The following ZNF729 variants were observed in gnomAD, a reference collection of about 807,000 sequenced individuals.
The protein encoded by ZNF729 is zinc finger protein 729.
In ZNF729, 15 loss-of-function variants were observed where a neutral mutation model predicts 12.2. The ratio of observed to expected loss-of-function variants is 1.23; its 90% CI spans 0.82 to 1.89. The LOEUF is 1.89. Among genes scored for constraint, ZNF729 ranks in the 40% most tolerant of loss-of-function variants. The probability of loss-of-function intolerance (pLI) is 0.00; values close to 1 mark genes in which losing one functional copy is unlikely to be tolerated. For missense variants in ZNF729, 1,540 were observed against 1,456.7 expected, an observed-to-expected ratio of 1.06 and a Z score of -0.93; for synonymous variants, 492 against 476.3, an observed-to-expected ratio of 1.03 and a Z score of -0.43.
Position 22,314,093 on chromosome 19 carries a change from CAT to C in ZNF729, c.678_679del (p.His226GlnfsTer6), listed in dbSNP as rs1316178879. On this transcript the variant is annotated frameshift_variant, in exon 4 of 4. Transcript: ENST00000601693. LOFTEE classifies it low-confidence loss of function (END_TRUNC). ...TAAATCGTTCTCAACCCTTACTAAA[CAT>C]AAGATAATTCATACTGAAGACAAAC... is the stretch of plus-strand genomic sequence containing the variant. Reference protein sequence around the residue: ...AFKSFSTLTKHKIIHTEDKPY... With the variant: ...AFKSFSTLTKXKIIHTEDKPY... The C allele has an allele frequency of 6.5e-7, 1 of 1,546,904 alleles. No individual in the cohort carries two copies. The highest frequency in any genetic ancestry group is 8.7e-7 in the Non-Finnish European group (1 of 1,147,176).
rs745376919 is a variant in ZNF729, at chr19:22,316,488, A to C, written c.3071A>C (p.Glu1024Ala). ...HTREKLYKCE[E>A]CVKAFNNFSA... Reference sequence around the variant, plus strand: ...AGGGAGAAATTGTACAAATGTGAAGAATGTGTCAAAGCTTTTAACAATTTC... The same window carrying C: ...AGGGAGAAATTGTACAAATGTGAAGCATGTGTCAAAGCTTTTAACAATTTC... The change falls in exon 4 of 4, where the codon GAA becomes GCA. Residue 1024 changes from glutamate to alanine, a missense_variant. Coordinates refer to ENST00000601693, the MANE Select transcript of ZNF729 (RefSeq NM_001242680.2). 4.3e-6 allele frequency: 7 copies of C among 1,613,752 alleles called. No homozygotes were observed. Among genetic ancestry groups the C allele is most frequent in the Non-Finnish European group, 5.9e-6 (7 of 1,179,782 alleles).
chr19:22,293,518 G>GTTT (rs1256692990), intron 1 of ZNF729, among the ~76,000 whole-genome samples: 1 of 28,474 alleles, frequency 3.5e-5, no homozygotes, highest in African/African-American at 1.4e-4. Flanking sequence ...TTTTGAGACA[G>GTTT]TTTCGCTCTT....
chr19:22,308,229 T>C (rs1361124251), intron 3 of ZNF729, among the ~76,000 whole-genome samples: 2 of 152,218 alleles, frequency 1.3e-5, no homozygotes, highest in Admixed American at 6.5e-5. Context: ...TGTTCCATCA[T>C]ATATATAATC....
Position 22,314,805 on chromosome 19 carries a change from A to C in ZNF729, c.1388A>C (p.Glu463Ala). The C allele has an allele frequency of 2.5e-6, 4 of 1,613,870 alleles. No individual in the cohort carries two copies. Among genetic ancestry groups the C allele is most frequent in the Non-Finnish European group, 3.4e-6 (4 of 1,179,898 alleles). The change falls in exon 4 of 4, where the codon GAA (glutamate) becomes GCA (alanine). Residue 463 changes from glutamate to alanine, a missense_variant. Physicochemically the swap from Glu to Ala is moderately radical, Grantham distance 107 (BLOSUM62 -1). Transcript: ENST00000601693. The part of the protein sequence containing the change: ...IHTGEKPYKC[E>A]ECGKAFRQSS... ...ACTGGGGAGAAACCATACAAATGTG[A>C]AGAATGTGGCAAAGCTTTTAGGCAA...
chr19:22,310,893 A>G lies in ZNF729; in HGVS notation c.254-2778A>G, dbSNP rs112975904. ...TGCTTGTTATTGGTCTGTTCAGGGTATCTAATTCTTCCTGATTTAAGCTGG... is the reference window on the plus strand; with the variant it reads ...TGCTTGTTATTGGTCTGTTCAGGGTGTCTAATTCTTCCTGATTTAAGCTGG... On this transcript the variant is annotated intron_variant, in intron 3 of 3. Coordinates refer to ENST00000601693, the MANE Select transcript of ZNF729 (RefSeq NM_001242680.2). 3.0e-3 allele frequency among the ~76,000 whole-genome samples: 454 copies of G among 152,190 alleles called. 4 individuals carry two copies. The highest frequency in any genetic ancestry group is 0.011 in the African/African-American group (442 of 41,554).
intron 1 of ZNF729, among the ~76,000 whole-genome samples, chr19:22,301,004 A>G (rs1366120800): frequency 6.6e-6 from 1 of 152,204 alleles, no homozygotes; most frequent in African/African-American, 2.4e-5. Flanking sequence ...TTATAGAGAC[A>G]TTAAAATGAG....
chr19:22,294,657 C>CTTTTT (rs71180535), intron 1 of ZNF729, among the ~76,000 whole-genome samples: 45 of 92,408 alleles, frequency 4.9e-4, no homozygotes, highest in Non-Finnish European at 6.6e-4. Context: ...TTTTCTTTTT[C>CTTTTT]TTTTTTTTTT....
At chr19:22,294,385 G>T (rs74668521) in intron 1 of ZNF729, among the ~76,000 whole-genome samples, 1 of 152,120 alleles carries the variant, frequency 6.6e-6, no homozygotes, top group African/African-American at 2.4e-5. Context: ...TGTATAGTTT[G>T]AAGTCAGGTA....
intron 2 of ZNF729, 71 bp downstream of exon 2, chr19:22,303,955 G>T: frequency 7.2e-7 from 1 of 1,393,780 alleles, no homozygotes; most frequent in South Asian, 1.3e-5. Flanking sequence ...TGTAGAATGT[G>T]TTTTGGTGAT....
At position 22,305,735 on chromosome 19, in the gene ZNF729, C is replaced by A. The variant is rs984675757; in HGVS notation, c.253+952C>A. On this transcript the variant is annotated intron_variant, in intron 3 of 3. Coordinates refer to ENST00000601693, the MANE Select transcript of ZNF729 (RefSeq NM_001242680.2). ...TATTTGACTCTGCTAAAATTGGTCT[C>A]TTGTAGGAACATATTGCATGCTTTT... 3.1e-4 allele frequency among the ~76,000 whole-genome samples: 47 copies of A among 152,246 alleles called. 1 individual carries two copies. Among genetic ancestry groups the A allele is most frequent in the African/African-American group, 8.4e-4 (35 of 41,546 alleles).
intron 1 of ZNF729, among the ~76,000 whole-genome samples, chr19:22,296,936 G>C (rs1968236684): frequency 6.8e-6 from 1 of 147,796 alleles, no homozygotes; most frequent in African/African-American, 2.4e-5. Flanking sequence ...TTGTCAAGCT[G>C]TGGTCTTTGT....
intron 1 of ZNF729, among the ~76,000 whole-genome samples, chr19:22,297,897 C>T (rs1050618523): frequency 2.0e-5 from 3 of 148,038 alleles, no homozygotes; most frequent in African/African-American, 2.5e-5. Flanking sequence ...CTCAGCTACT[C>T]GGGAGGCTGA....
chr19:22,289,589 C>T (rs949184825), intron 1 of ZNF729, among the ~76,000 whole-genome samples: 1 of 151,986 alleles, frequency 6.6e-6, no homozygotes, highest in African/African-American at 2.4e-5. Flanking sequence ...TTTTTTATGG[C>T]TGGGTGTTTT....
intron 3 of ZNF729, among the ~76,000 whole-genome samples, chr19:22,312,385 G>T (rs1024203534): frequency 2.0e-5 from 3 of 151,510 alleles, no homozygotes; most frequent in Non-Finnish European, 4.4e-5. Flanking sequence ...AATTGTCTTG[G>T]CTAGAGATTC....
chr19:22,291,838 A>G (rs549135825), intron 1 of ZNF729, among the ~76,000 whole-genome samples: 1 of 152,290 alleles, frequency 6.6e-6, no homozygotes, highest in East Asian at 1.9e-4. Context: ...GTTTCAAGCA[A>G]TTCTCCTGCC....
chr19:22,294,219 A>G (rs140509316), intron 1 of ZNF729, among the ~76,000 whole-genome samples: 1 of 152,366 alleles, frequency 6.6e-6, no homozygotes, highest in Non-Finnish European at 1.5e-5. Context: ...CATTTATTAA[A>G]TAGGGAATTC....
chr19:22,286,539 C>T lies in ZNF729; in HGVS notation c.14C>T (p.Pro5Leu). ...TCCACAGCTAACATGCCAGGTGCCC[C>T]TGGCAGCCTAGAAATGGTGAGAGTG... MPGAPGSLEMGPLTF... is the reference protein window; with the variant it reads MPGALGSLEMGPLTF... The change falls in exon 1 of 4, where the codon CCT (proline) becomes CTT (leucine). Residue 5 changes from proline to leucine, a missense_variant. By Grantham distance (98) the Pro-to-Leu change is moderately conservative (BLOSUM62 -3). Transcript: ENST00000601693. 2.5e-6 allele frequency: 4 copies of T among 1,613,890 alleles called. No homozygotes were observed. Among genetic ancestry groups the T allele is most frequent in the Non-Finnish European group, 3.4e-6 (4 of 1,179,996 alleles).
intron 3 of ZNF729, among the ~76,000 whole-genome samples, chr19:22,311,962 T>A (rs1158240711): frequency 6.6e-6 from 1 of 152,184 alleles, no homozygotes; most frequent in African/African-American, 2.4e-5. Flanking sequence ...TTGTTTTTTT[T>A]AATTGCTGTT....
intron 3 of ZNF729, among the ~76,000 whole-genome samples, chr19:22,306,262 A>G (rs548540842): frequency 6.6e-6 from 1 of 151,720 alleles, no homozygotes; most frequent in South Asian, 2.1e-4. Context: ...AACATAGAGA[A>G]ACCCCGTCTC....
Sources: gnomAD v4.1 joint callset for allele counts (sites outside exome capture counted in the v4.1 genomes callset) on GRCh38, gnomAD v4.1.1 for gene constraint, MANE v1.5 for transcripts, NCBI Gene and HGNC (gene_info 2026-07-23, HGNC 2026-07-21) for gene names.